The following MEGF9 variants were observed in gnomAD, a reference collection of about 807,000 sequenced individuals.
MEGF9 encodes the protein multiple epidermal growth factor-like domains protein 9.
Under a neutral mutation model 46.8 loss-of-function variants are expected in MEGF9, and 6 were observed. That is an observed-to-expected ratio of 0.13 (90% CI 0.07 to 0.25). The LOEUF is 0.25. Among genes scored for constraint, MEGF9 ranks in the 10% least tolerant of loss-of-function variants. The pLI is 1.00. For missense variants in MEGF9, 683 were observed against 792.4 expected (o/e 0.86, Z 1.66); for synonymous variants, 302 against 330.7 (o/e 0.91, Z 0.94).
At chr9:120,626,445 T>C (rs1374672727) in intron 2 of MEGF9, among the ~76,000 whole-genome samples, 6 of 152,224 alleles carry the variant, frequency 3.9e-5, no homozygotes, top group African/African-American at 1.4e-4. Context: ...GTTTTAACAC[T>C]TTAGAAAAAA....
chr9:120,712,755 A>G (rs2043959531), intron 1 of MEGF9, among the ~76,000 whole-genome samples: 1 of 152,242 alleles, frequency 6.6e-6, no homozygotes, highest in Non-Finnish European at 1.5e-5. Context: ...CCAGCTAGAC[A>G]AAGGATTTGG....
chr9:120,611,524 GA>G (rs2043445041), intron 4 of MEGF9, among the ~76,000 whole-genome samples: 2 of 152,128 alleles, frequency 1.3e-5, no homozygotes, highest in South Asian at 4.1e-4. Flanking sequence ...TCATTTGTAT[GA>G]AATGTTCAGA....
chr9:120,702,848 T>C (rs974559993), intron 1 of MEGF9, among the ~76,000 whole-genome samples: 2 of 152,208 alleles, frequency 1.3e-5, no homozygotes, highest in Non-Finnish European at 2.9e-5. Context: ...GGTCCCCAAA[T>C]AATACTGTTT....
At chr9:120,705,293 G>A (rs995802282) in intron 1 of MEGF9, among the ~76,000 whole-genome samples, 1 of 151,848 alleles carries the variant, frequency 6.6e-6, no homozygotes, top group Non-Finnish European at 1.5e-5. Flanking sequence ...ACTGTTCAAC[G>A]CCATGCATGC....
rs184980174 is a variant in MEGF9, at chr9:120,642,766, T to G, written c.803+16608A>C. Among the ~76,000 whole-genome samples the G allele has an allele frequency of 1.4e-4, 21 of 152,326 alleles. No individual in the cohort carries two copies. The East Asian group carries it at 3.3e-3, about 24-fold the overall frequency. ...CAAAAGTAAAACTTAATTAAAGTAA[T>G]GGTCATGGTATATGTGTTGGAAACT... On this transcript the variant is annotated intron_variant, in intron 2 of 5. Transcript: ENST00000373930.
intron 1 of MEGF9, among the ~76,000 whole-genome samples, chr9:120,674,010 G>A (rs2043762122): frequency 6.7e-6 from 1 of 148,658 alleles, no homozygotes; most frequent in Non-Finnish European, 1.5e-5. Context: ...ATGGATCATA[G>A]CCCTAAATGT....
At chr9:120,612,593 A>T in intron 3 of MEGF9, 54 bp from the exon 4 acceptor site, 1 of 1,501,324 alleles carries the variant, frequency 6.7e-7, no homozygotes, top group Middle Eastern at 1.8e-4. Flanking sequence ...AAAGCCAAGT[A>T]ACTTTCAAAA....
intron 1 of MEGF9, among the ~76,000 whole-genome samples, chr9:120,708,074 C>G (rs532091966): frequency 2.0e-5 from 3 of 149,552 alleles, no homozygotes; most frequent in South Asian, 2.1e-4. Flanking sequence ...CAAACAAAAA[C>G]AGGCTGGGCA....
intron 2 of MEGF9, among the ~76,000 whole-genome samples, chr9:120,649,986 G>A (rs1248828516): frequency 6.6e-6 from 1 of 152,120 alleles, no homozygotes; most frequent in East Asian, 1.9e-4. Flanking sequence ...CTCAAATCAG[G>A]CCAGGCACGG....
intron 2 of MEGF9, among the ~76,000 whole-genome samples, chr9:120,643,848 C>T (rs2043614783): frequency 6.6e-6 from 1 of 152,018 alleles, no homozygotes; most frequent in African/African-American, 2.4e-5. Flanking sequence ...GCATGCACCA[C>T]CAAGTAGCTG....
At chr9:120,662,748 T>A (rs2043708283) in intron 1 of MEGF9, among the ~76,000 whole-genome samples, 1 of 152,250 alleles carries the variant, frequency 6.6e-6, no homozygotes, top group Non-Finnish European at 1.5e-5. Context: ...ATTCAGATGT[T>A]AGATTCACAG....
At chr9:120,686,034 T>A (rs78067245) in intron 1 of MEGF9, among the ~76,000 whole-genome samples, 3,559 of 151,740 alleles carry the variant, frequency 0.023, 150 homozygotes, top group African/African-American at 0.083. Context: ...CAGAAACAGA[T>A]TGGAATGATA....
At chr9:120,618,214 G>A (rs1587974742) in intron 3 of MEGF9, among the ~76,000 whole-genome samples, 1 of 152,180 alleles carries the variant, frequency 6.6e-6, no homozygotes, top group African/African-American at 2.4e-5. Flanking sequence ...AAGTTTAAAT[G>A]GCAAAGACAA....
At chr9:120,658,133 T>C (rs991233536) in intron 2 of MEGF9, among the ~76,000 whole-genome samples, 3 of 151,978 alleles carry the variant, frequency 2.0e-5, no homozygotes, top group Admixed American at 2.0e-4. Context: ...TACAGGTGTG[T>C]GCCACCACGC....
chr9:120,641,700 A>T (rs1490561368), intron 2 of MEGF9, among the ~76,000 whole-genome samples: 2 of 152,182 alleles, frequency 1.3e-5, no homozygotes, highest in Non-Finnish European at 2.9e-5. Context: ...TGGTCTGGGG[A>T]CCATAATTAG....
intron 2 of MEGF9, among the ~76,000 whole-genome samples, chr9:120,629,924 C>T (rs1346369066): frequency 6.7e-6 from 1 of 150,142 alleles, no homozygotes; most frequent in South Asian, 2.1e-4. Context: ...CAGAGTGAGA[C>T]TCCGTCTCAA....
At chr9:120,703,160 A>G (rs2043912845) in intron 1 of MEGF9, among the ~76,000 whole-genome samples, 2 of 152,244 alleles carry the variant, frequency 1.3e-5, no homozygotes, top group Non-Finnish European at 2.9e-5. Flanking sequence ...ACTATTCCTC[A>G]TATTACTATG....
chr9:120,682,373 G>A (rs1176409435), intron 1 of MEGF9, among the ~76,000 whole-genome samples: 1 of 152,136 alleles, frequency 6.6e-6, no homozygotes, highest in East Asian at 1.9e-4. Flanking sequence ...CAACTTAAAG[G>A]TTAGAACTAT....
At chr9:120,611,865 A>AGGAAGGG (rs572613293) in intron 4 of MEGF9, among the ~76,000 whole-genome samples, 95 of 137,132 alleles carry the variant, frequency 6.9e-4, no homozygotes, top group African/African-American at 2.8e-3. Context: ...GGAAGGAAGA[A>AGGAAGGG]AGAGAGAGAG....
Sources: allele counts gnomAD v4.1 joint callset (sites outside exome capture counted in the v4.1 genomes callset), GRCh38; gene constraint gnomAD v4.1.1; transcripts MANE v1.5; gene names NCBI Gene and HGNC (gene_info 2026-07-23, HGNC 2026-07-21).